DOCK1: variants seen among roughly 807,000 people sequenced by gnomAD.
DOCK1 encodes the protein dedicator of cytokinesis 1.
DOCK1 carries 138 observed loss-of-function variants against 262.7 expected under a neutral mutation model. The observed-to-expected ratio is 0.53, with a 90% CI of 0.46 to 0.61. The LOEUF is 0.61. Ranked by LOEUF, DOCK1 falls within the 20% of genes least tolerant of loss-of-function variation. DOCK1 has a pLI of 0.00. For synonymous variants in DOCK1, 866 were observed against 867.4 expected, an observed-to-expected ratio of 1.00 and a Z score of 0.03; for missense variants, 1,908 against 2,370.7, an observed-to-expected ratio of 0.80 and a Z score of 4.05.
intron 1 of DOCK1, among the ~76,000 whole-genome samples, chr10:126,927,225 G>T (rs912455288): frequency 6.6e-6 from 1 of 152,108 alleles, no homozygotes; most frequent in African/African-American, 2.4e-5. Flanking sequence ...GCAGATTTCC[G>T]TCTCTGATCT....
chr10:127,347,947 T>C (rs989566871), intron 31 of DOCK1, among the ~76,000 whole-genome samples: 5 of 139,332 alleles, frequency 3.6e-5, no homozygotes, highest in Admixed American at 7.3e-5. Context: ...TCCACAGCTT[T>C]GTGGCTCAAA....
At chr10:127,415,006 AC>A in intron 43 of DOCK1, 145 bp from the exon 44 acceptor site, 1 of 676,046 alleles carries the variant, frequency 1.5e-6, no homozygotes, top group Non-Finnish European at 2.5e-6. Context: ...CTGAAGGCAC[AC>A]ATGCCCTGTG....
At position 127,176,046 on chromosome 10, in the gene DOCK1, G is replaced by A. The variant is rs117242435; in HGVS notation, c.2847+48282G>A. 17 of 1,614,148 alleles carry A rather than the reference G, an allele frequency of 1.1e-5. No homozygotes were observed. The highest frequency in any genetic ancestry group is 1.6e-4 in the Middle Eastern group (1 of 6,062). ...CCCCTTTTTGCGGTCCAGAGGGAACGTCTGGTAACACTTCTTAAGGTCGGG... is the reference window on the plus strand; with the variant it reads ...CCCCTTTTTGCGGTCCAGAGGGAACATCTGGTAACACTTCTTAAGGTCGGG... On this transcript the variant is annotated intron_variant, in intron 27 of 51. Coordinates refer to ENST00000623213, the MANE Select transcript of DOCK1 (RefSeq NM_001290223.2). The surrounding 1 kb of genome is among the most constrained non-coding windows in gnomAD (Gnocchi z 4.4).
chr10:127,315,143 C>T (rs376847760), intron 29 of DOCK1, among the ~76,000 whole-genome samples: 20 of 152,244 alleles, frequency 1.3e-4, no homozygotes, highest in South Asian at 1.2e-3. Context: ...CTTGGCATGG[C>T]GGAGAGCTGC....
In DOCK1 at chr10:126,981,950, A is replaced by G. The variant is rs747319958; in HGVS notation, c.204A>G (p.Lys68=). The part of the protein sequence containing the change: ...GIFPASYIHL[K]EAIVEGKGQH... The stretch of plus-strand genomic sequence containing the variant: ...TTCCTGCTTCATATATTCATCTTAA[A>G]GAAGCGATAGTTGAAGGAAAAGGGT... Residue 68 remains lysine (K), a synonymous_variant, in exon 4 of 52, where the codon AAA becomes AAG. Coordinates refer to ENST00000623213, the MANE Select transcript of DOCK1 (RefSeq NM_001290223.2). 6.2e-7 allele frequency: 1 copy of G among 1,613,662 alleles called. No individual in the cohort carries two copies.
At chr10:127,386,918 T>C (rs983664147) in intron 38 of DOCK1, among the ~76,000 whole-genome samples, 15 of 152,190 alleles carry the variant, frequency 9.9e-5, no homozygotes, top group Non-Finnish European at 2.2e-4. Flanking sequence ...ATAACTGTAC[T>C]AGGTTAGCCA....
chr10:127,246,157 T>C (rs2059423949), intron 27 of DOCK1, among the ~76,000 whole-genome samples: 1 of 152,278 alleles, frequency 6.6e-6, no homozygotes, highest in South Asian at 2.1e-4. Flanking sequence ...TCAGATTCCT[T>C]AGAGGAAGAG....
chr10:127,439,338 A>T, intron 49 of DOCK1, 113 bp downstream of exon 49: 2 of 1,150,708 alleles, frequency 1.7e-6, no homozygotes, highest in Non-Finnish European at 2.4e-6. Context: ...GTTATAAATT[A>T]GCAACTCAGA....
intron 27 of DOCK1, among the ~76,000 whole-genome samples, chr10:127,177,597 G>A (rs1367375080): frequency 6.6e-6 from 1 of 152,210 alleles, no homozygotes; most frequent in Non-Finnish European, 1.5e-5. Context: ...CAAGGTCATG[G>A]ACATGGGCCC....
intron 29 of DOCK1, among the ~76,000 whole-genome samples, chr10:127,321,856 A>G (rs985429972): frequency 9.9e-4 from 150 of 152,238 alleles, no homozygotes; most frequent in African/African-American, 3.4e-3. Context: ...TAATCCCAGC[A>G]CTTTGGGAGG....
intron 12 of DOCK1, among the ~76,000 whole-genome samples, chr10:127,016,771 AAC>A (rs1246188402): frequency 2.0e-5 from 3 of 150,266 alleles, no homozygotes; most frequent in Non-Finnish European, 3.0e-5. Flanking sequence ...AAACACCACA[AAC>A]ACAGACACAC....
At chr10:126,955,752 C>T (rs1312986110) in intron 1 of DOCK1, among the ~76,000 whole-genome samples, 8 of 152,040 alleles carry the variant, frequency 5.3e-5, no homozygotes, top group Non-Finnish European at 8.8e-5. Context: ...CGAGTGGTCA[C>T]GTTGCACAGG....
In DOCK1 at chr10:127,210,405, C is replaced by T. The variant is rs571263939; in HGVS notation, c.2848-37603C>T. ...TAAAGGGACCGATGCCTGAGAATTTCTTCTGCAGGATGTAGAACCGTGTGC... is the reference window on the plus strand; with the variant it reads ...TAAAGGGACCGATGCCTGAGAATTTTTTCTGCAGGATGTAGAACCGTGTGC... On this transcript the variant is annotated intron_variant, in intron 27 of 51. Coordinates refer to ENST00000623213, the MANE Select transcript of DOCK1 (RefSeq NM_001290223.2). Among the ~76,000 whole-genome samples, 600 of 152,300 alleles carry T rather than the reference C, an allele frequency of 3.9e-3. 7 individuals are homozygous for T. The highest frequency in any genetic ancestry group is 0.014 in the African/African-American group (566 of 41,548).
Position 127,184,608 on chromosome 10 carries a change from C to T in DOCK1, c.2847+56844C>T, listed in dbSNP as rs139441599. 2.2e-3 allele frequency among the ~76,000 whole-genome samples: 328 copies of T among 151,844 alleles called. 1 individual carries two copies. Among genetic ancestry groups the T allele is most frequent in the Non-Finnish European group, 3.3e-3 (226 of 67,962 alleles). Reference sequence around the variant, plus strand: ...TCCAAAGAGTCTCTTATTATAAGATCATCTATACTTTTTCCTACCTGCTCA... The same window carrying T: ...TCCAAAGAGTCTCTTATTATAAGATTATCTATACTTTTTCCTACCTGCTCA... On this transcript the variant is annotated intron_variant, in intron 27 of 51. Transcript: ENST00000623213.
chr10:127,139,289 G>A (rs542172798), intron 27 of DOCK1, among the ~76,000 whole-genome samples: 1 of 151,990 alleles, frequency 6.6e-6, no homozygotes, highest in East Asian at 1.9e-4. Context: ...TATATTATCT[G>A]GAGTTTTAAA....
At chr10:127,023,099 T>C in intron 13 of DOCK1, 101 bp from the exon 14 acceptor site, 1 of 1,301,168 alleles carries the variant, frequency 7.7e-7, no homozygotes, top group Non-Finnish European at 1.1e-6. Flanking sequence ...CTAATATGTA[T>C]TTGTAATAAT....
chr10:127,350,469 T>C (rs1388679783), intron 31 of DOCK1, among the ~76,000 whole-genome samples: 1 of 152,170 alleles, frequency 6.6e-6, no homozygotes, highest in Non-Finnish European at 1.5e-5. Flanking sequence ...TCGTCTCTCC[T>C]TCAAATCTCA....
At chr10:127,240,175 T>G (rs535902319) in intron 27 of DOCK1, among the ~76,000 whole-genome samples, 2 of 152,138 alleles carry the variant, frequency 1.3e-5, no homozygotes, top group African/African-American at 4.8e-5. Flanking sequence ...GCACTCAGTT[T>G]AAATTTAAGA....
intron 16 of DOCK1, 119 bp downstream of exon 16, chr10:127,026,543 C>T: frequency 1.2e-6 from 1 of 869,556 alleles, no homozygotes; most frequent in Non-Finnish European, 1.8e-6. Context: ...GGCTCATTTC[C>T]CACCGGAACC....
Sources: gnomAD v4.1 joint callset for allele counts (sites outside exome capture counted in the v4.1 genomes callset) on GRCh38, gnomAD v4.1.1 for gene constraint, Gnocchi (gnomAD v3.1) non-coding constraint, MANE v1.5 for transcripts, NCBI Gene and HGNC (gene_info 2026-07-23, HGNC 2026-07-21) for gene names.